The following ZHX2 variants were observed in gnomAD, a reference collection of about 807,000 sequenced individuals.
ZHX2 encodes zinc fingers and homeoboxes 2, also known as zinc fingers and homeoboxes protein 2.
Under a neutral mutation model 21.9 loss-of-function variants are expected in ZHX2, and 6 were observed. The ratio of observed to expected loss-of-function variants is 0.27; its 90% confidence interval spans 0.15 to 0.54. The LOEUF is 0.54. ZHX2 is among the 20% of genes least tolerant of loss of function. The probability of loss-of-function intolerance (pLI) is 0.95; values close to 1 mark genes in which losing one functional copy is unlikely to be tolerated. For synonymous variants in ZHX2, 434 were observed against 437.1 expected (o/e 0.99, Z 0.09); for missense variants, 908 against 1,090.7 (o/e 0.83, Z 2.36).
chr8:122,883,169 C>T (rs1320321524), intron 2 of ZHX2, among the ~76,000 whole-genome samples: 1 of 152,164 alleles, frequency 6.6e-6, no homozygotes. Context: ...CGTGCAGCAA[C>T]CATGCAGGCT....
intron 2 of ZHX2, among the ~76,000 whole-genome samples, chr8:122,870,652 AAAAAAAAAAAAAAAG>A (rs1183961810): frequency 1.4e-5 from 2 of 144,414 alleles, no homozygotes; most frequent in African/African-American, 2.7e-5. Context: ...AAAAAAAAAA[AAAAAAAAAAAAAAAG>A]AAAGAGAAAG....
chr8:122,854,648 G>A (rs548326456), intron 1 of ZHX2, among the ~76,000 whole-genome samples: 201 of 152,258 alleles, frequency 1.3e-3, no homozygotes, highest in Middle Eastern at 6.8e-3. Context: ...GGCAAGTCCC[G>A]AGGCACTGGC....
chr8:122,842,623 T>C (rs756797692), intron 1 of ZHX2, among the ~76,000 whole-genome samples: 2 of 152,060 alleles, frequency 1.3e-5, no homozygotes, highest in East Asian at 1.9e-4. Flanking sequence ...AGGAGAATGG[T>C]GTGAACCCGG....
intron 2 of ZHX2, among the ~76,000 whole-genome samples, chr8:122,873,552 G>A (rs781674567): frequency 3.9e-5 from 6 of 152,282 alleles, no homozygotes; most frequent in African/African-American, 9.6e-5. Context: ...TCCTGCGGCC[G>A]GTGCAGGACG....
chr8:122,933,764 A>G (rs1415382143), intron 2 of ZHX2, among the ~76,000 whole-genome samples: 2 of 152,236 alleles, frequency 1.3e-5, no homozygotes, highest in Non-Finnish European at 2.9e-5. Context: ...TACAAAGACA[A>G]TTTCCTGACT....
At chr8:122,833,718 C>A (rs575872646) in intron 1 of ZHX2, among the ~76,000 whole-genome samples, 30 of 152,180 alleles carry the variant, frequency 2.0e-4, no homozygotes, top group Admixed American at 3.9e-4. Flanking sequence ...GTGAGCGGGC[C>A]GGGCGCGGTG....
At chr8:122,853,587 C>T (rs1818954202) in intron 1 of ZHX2, among the ~76,000 whole-genome samples, 1 of 152,176 alleles carries the variant, frequency 6.6e-6, no homozygotes, top group Non-Finnish European at 1.5e-5. Context: ...GTCTCAGCCA[C>T]GCTCAGCCAG....
chr8:122,934,412 C>A (rs1812621289), intron 2 of ZHX2, among the ~76,000 whole-genome samples: 1 of 152,208 alleles, frequency 6.6e-6, no homozygotes, highest in African/African-American at 2.4e-5. Context: ...GCCACAAACG[C>A]CTTGTAACAG....
At chr8:122,936,411 T>C (rs1812692543) in intron 2 of ZHX2, among the ~76,000 whole-genome samples, 2 of 152,192 alleles carry the variant, frequency 1.3e-5, no homozygotes, top group African/African-American at 4.8e-5. Flanking sequence ...ATCCCACTCA[T>C]GTCCTGAGAT....
intron 2 of ZHX2, among the ~76,000 whole-genome samples, chr8:122,929,392 C>T (rs1820929444): frequency 6.6e-6 from 1 of 152,156 alleles, no homozygotes; most frequent in African/African-American, 2.4e-5. Flanking sequence ...AGTTGGATCC[C>T]AGCACTTTGG....
At chr8:122,847,813 G>A (rs539084889) in intron 1 of ZHX2, among the ~76,000 whole-genome samples, 9 of 152,294 alleles carry the variant, frequency 5.9e-5, no homozygotes, top group East Asian at 3.9e-4. Flanking sequence ...ACCAGTCTCC[G>A]CCCTCTGAAG....
At chr8:122,831,753 T>C (rs1173248607) in intron 1 of ZHX2, among the ~76,000 whole-genome samples, 1 of 152,232 alleles carries the variant, frequency 6.6e-6, no homozygotes, top group Admixed American at 6.5e-5. Context: ...GAGCCATTTA[T>C]GGCAGGAGTG....
At chr8:122,825,350 T>C (rs1586589995) in intron 1 of ZHX2, among the ~76,000 whole-genome samples, 1 of 152,208 alleles carries the variant, frequency 6.6e-6, no homozygotes. Context: ...CATGACTCCC[T>C]TATGGCCGGG....
At position 122,842,629 on chromosome 8, in the gene ZHX2, C is replaced by G. The variant is rs532404596; in HGVS notation, c.-282-20848C>G. ...GGCTGAGGCAGGAGAATGGTGTGAA[C>G]CCGGGAGGCGGAGCTGGCAAGTGAG... On this transcript the variant is annotated intron_variant, in intron 1 of 3. Coordinates refer to ENST00000314393, the MANE Select transcript of ZHX2 (RefSeq NM_014943.5). Among the ~76,000 whole-genome samples, 4 of 152,254 alleles carry G rather than the reference C, an allele frequency of 2.6e-5. No homozygotes were observed. The East Asian group carries it at 7.7e-4, about 29-fold the overall frequency.
chr8:122,805,481 G>A (rs1318856857), intron 1 of ZHX2, among the ~76,000 whole-genome samples: 2 of 152,194 alleles, frequency 1.3e-5, no homozygotes, highest in African/African-American at 4.8e-5. Flanking sequence ...TGTGCACTGA[G>A]GTGGGAAGAA....
At chr8:122,873,747 A>T (rs1204051699) in intron 2 of ZHX2, among the ~76,000 whole-genome samples, 4 of 152,106 alleles carry the variant, frequency 2.6e-5, no homozygotes, top group Admixed American at 6.6e-5. Context: ...GAAGGTGACA[A>T]ACAAAGTATT....
Position 122,932,748 on chromosome 8 carries a change from C to T in ZHX2, c.-219-18544C>T, listed in dbSNP as rs138691095. On this transcript the variant is annotated intron_variant, in intron 2 of 3. Transcript: ENST00000314393. ...ATCCTTAATCACACTGTCAAATTCC[C>T]TTTTCACGTCATCCAAATCCCTTTG... 2.9e-4 allele frequency among the ~76,000 whole-genome samples: 44 copies of T among 152,324 alleles called. No homozygotes were observed. In the East Asian group the frequency reaches 4.0e-3, roughly 14 times the overall value.
chr8:122,967,341 T>C (rs181971787), intron 3 of ZHX2, among the ~76,000 whole-genome samples: 1 of 152,312 alleles, frequency 6.6e-6, no homozygotes, highest in Non-Finnish European at 1.5e-5. Flanking sequence ...CATGGGGTGA[T>C]CCCTTGATGT....
At chr8:122,879,289 C>T (rs1490864500) in intron 2 of ZHX2, among the ~76,000 whole-genome samples, 2 of 152,166 alleles carry the variant, frequency 1.3e-5, no homozygotes, top group Non-Finnish European at 2.9e-5. Flanking sequence ...TCACTGCAAC[C>T]TCTGCCTCCC....
Sources: gnomAD v4.1 joint callset for allele counts (sites outside exome capture counted in the v4.1 genomes callset) on GRCh38, gnomAD v4.1.1 for gene constraint, MANE v1.5 for transcripts, NCBI Gene and HGNC (gene_info 2026-07-23, HGNC 2026-07-21) for gene names.